Variants in PREX1 observed in about 807,000 individuals in gnomAD.
PREX1 encodes phosphatidylinositol-3,4,5-trisphosphate dependent Rac exchange factor 1.
A neutral mutation model predicts 198.3 loss-of-function variants in PREX1; 41 were observed. The ratio of observed to expected loss-of-function variants is 0.21; its 90% CI spans 0.16 to 0.27. The LOEUF is 0.27. Ranked by LOEUF, PREX1 falls within the 10% of genes least tolerant of loss-of-function variation. The pLI is 1.00. For synonymous variants in PREX1, 843 were observed against 887.2 expected (o/e 0.95, Z 0.89); for missense variants, 1,620 against 2,200.7 (o/e 0.74, Z 5.28).
intron 7 of PREX1, among the ~76,000 whole-genome samples, chr20:48,694,844 G>A (rs2089837310): frequency 6.6e-6 from 1 of 152,206 alleles, no homozygotes; most frequent in African/African-American, 2.4e-5. Flanking sequence ...GAATGGGATG[G>A]ACTTCAGTTT....
At chr20:48,638,692 AG>A (rs1275477709) in intron 30 of PREX1, among the ~76,000 whole-genome samples, 1 of 151,682 alleles carries the variant, frequency 6.6e-6, no homozygotes, top group Non-Finnish European at 1.5e-5. Flanking sequence ...TCACCACACC[AG>A]GAAGCCAGGC....
Position 48,747,745 on chromosome 20 carries a change from G to T in PREX1, c.291+64C>A. On this transcript the variant is annotated intron_variant, in intron 2 of 39. Coordinates refer to ENST00000371941, the MANE Select transcript of PREX1 (RefSeq NM_020820.4). ...CATGCACACCCTCTGAGCATCGCAC[G>T]GGAAGAGCAAGGCACAAAGCAACAC... The T allele has an allele frequency of 2.6e-6, 4 of 1,510,814 alleles. No individual in the cohort carries two copies. The South Asian group carries it at 4.7e-5, about 18-fold the overall frequency. 93.6% of individuals were successfully genotyped at this position (1,510,814 alleles called of 1,614,324 possible). A position where few individuals can be genotyped will look rare whatever the true frequency, so the allele number is the denominator to read the frequency against.
the PREX1 span, among the ~76,000 whole-genome samples, chr20:48,867,966 C>T: frequency 6.6e-6 from 1 of 151,852 alleles, no homozygotes; most frequent in Non-Finnish European, 1.5e-5. Context: ...ACCTTGGCCT[C>T]CCAAAGTGCT....
chr20:48,877,051 C>A, the PREX1 span, among the ~76,000 whole-genome samples: 9 of 152,112 alleles, frequency 5.9e-5, no homozygotes, highest in South Asian at 2.1e-4. Context: ...GGGTGGATCA[C>A]CTGAGGTCAG....
upstream of PREX1, among the ~76,000 whole-genome samples, chr20:48,832,803 G>A (rs1007027497): frequency 7.2e-5 from 11 of 152,210 alleles, no homozygotes; most frequent in African/African-American, 2.7e-4. Context: ...TCTGATTTAA[G>A]CATAATAGGT....
At chr20:48,792,853 C>CACACACACAT (rs1256864071) in intron 1 of PREX1, among the ~76,000 whole-genome samples, 1,710 of 145,310 alleles carry the variant, frequency 0.012, 44 homozygotes, top group African/African-American at 0.036. Flanking sequence ...CACACACACA[C>CACACACACAT]ATAGTATGAT....
intron 1 of PREX1, among the ~76,000 whole-genome samples, chr20:48,758,244 A>G (rs1235073712): frequency 6.6e-6 from 1 of 152,216 alleles, no homozygotes; most frequent in Non-Finnish European, 1.5e-5. Flanking sequence ...TGAGGAGGCC[A>G]GGGAGTCTGT....
At chr20:48,788,980 C>T (rs1415423247) in intron 1 of PREX1, among the ~76,000 whole-genome samples, 1 of 152,156 alleles carries the variant, frequency 6.6e-6, no homozygotes, top group Non-Finnish European at 1.5e-5. Flanking sequence ...GCCCCTCCAC[C>T]TGGGACTTCT....
At position 48,827,761 on chromosome 20, in the gene PREX1, G is replaced by A; in HGVS notation, c.100C>T (p.Pro34Ser). Residue 34 changes from proline to serine, a missense_variant, in exon 1 of 40, where the codon CCC becomes TCC. Physicochemically the swap from Pro to Ser is moderately conservative, Grantham distance 74 (BLOSUM62 -1). This residue lies in a region of PREX1 where 96 missense variants were observed against 98.7 expected (regional missense o/e 0.97). Coordinates refer to ENST00000371941, the MANE Select transcript of PREX1 (RefSeq NM_020820.4). The surrounding 1 kb of genome is among the most constrained non-coding windows in gnomAD (Gnocchi z 4.1). ...TCCCGGGCGGCCGCGCACGGGCCGGGGCCGGAGCTGGGCGCCGCGGCGCCA... is the reference window on the plus strand; with the variant it reads ...TCCCGGGCGGCCGCGCACGGGCCGGAGCCGGAGCTGGGCGCCGCGGCGCCA... ...APGAAAPSSG[P>S]GPCAAARESE... 8.3e-7 allele frequency: 1 copy of A among 1,199,514 alleles called. No homozygotes were observed. Among genetic ancestry groups the A allele is most frequent in the South Asian group, 3.9e-5 (1 of 25,836 alleles). 74.3% of individuals were successfully genotyped at this position (1,199,514 alleles called of 1,614,324 possible).
At chr20:48,796,039 G>A (rs896068113) in intron 1 of PREX1, among the ~76,000 whole-genome samples, 10 of 152,182 alleles carry the variant, frequency 6.6e-5, no homozygotes, top group Admixed American at 5.9e-4. Flanking sequence ...AACTGGGGCT[G>A]GAGGCAACCA....
At chr20:48,870,370 G>A in the PREX1 span, among the ~76,000 whole-genome samples, 141 of 152,322 alleles carry the variant, frequency 9.3e-4, no homozygotes, top group African/African-American at 3.3e-3. Context: ...AGCCCAGAAT[G>A]TTGAGTGACT....
At position 48,691,127 on chromosome 20, in the gene PREX1, G is replaced by T; in HGVS notation, c.1037-31C>A. On this transcript the variant is annotated intron_variant, in intron 8 of 39. Coordinates refer to ENST00000371941, the MANE Select transcript of PREX1 (RefSeq NM_020820.4). This position sits in a 1 kb window ranked among gnomAD's most constrained non-coding sequence, Gnocchi z 5.0. Reference sequence around the variant, plus strand: ...GGGGGCAGGAGGCAAAGGTGCAGCAGAGACTCAGCCGCGTGACCTTCAACA... The same window carrying T: ...GGGGGCAGGAGGCAAAGGTGCAGCATAGACTCAGCCGCGTGACCTTCAACA... The T allele has an allele frequency of 6.2e-7, 1 of 1,614,002 alleles. No individual in the cohort carries two copies. The highest frequency in any genetic ancestry group is 8.5e-7 in the Non-Finnish European group (1 of 1,179,902).
At chr20:48,752,274 A>G (rs756526657) in intron 1 of PREX1, among the ~76,000 whole-genome samples, 3 of 152,236 alleles carry the variant, frequency 2.0e-5, no homozygotes, top group Non-Finnish European at 4.4e-5. Flanking sequence ...CCACTTACCA[A>G]GCTGTGTGCA....
At chr20:48,861,402 A>T in the PREX1 span, among the ~76,000 whole-genome samples, 11 of 152,214 alleles carry the variant, frequency 7.2e-5, no homozygotes, top group African/African-American at 2.7e-4. Context: ...AAGCTGAGAG[A>T]TATCCCATTA....
chr20:48,867,368 T>C, the PREX1 span, among the ~76,000 whole-genome samples: 3 of 152,172 alleles, frequency 2.0e-5, no homozygotes, highest in East Asian at 5.8e-4. Flanking sequence ...GGAGAGACCT[T>C]GAAAGCACCT....
intron 13 of PREX1, 40 bp downstream of exon 13, chr20:48,679,320 G>C (rs768464175): frequency 1.9e-6 from 3 of 1,572,326 alleles, no homozygotes; most frequent in Admixed American, 3.4e-5. Flanking sequence ...CAGCTGAGAA[G>C]AGGTAGAGGT....
the PREX1 span, among the ~76,000 whole-genome samples, chr20:48,883,916 A>G: frequency 5.3e-5 from 8 of 152,188 alleles, no homozygotes; most frequent in South Asian, 6.2e-4. Flanking sequence ...TGAGGTGGGC[A>G]GATCACGAGG....
In PREX1 at chr20:48,691,485, C is replaced by A. The variant is rs1423810766; in HGVS notation, c.1037-389G>T. ...TGACAAGCCAAGTCAAACGTGGGAC[C>A]CTTACCCAGTGCTGGCTGGGATGGG... On this transcript the variant is annotated intron_variant, in intron 8 of 39. Coordinates refer to ENST00000371941, the MANE Select transcript of PREX1 (RefSeq NM_020820.4). The surrounding 1 kb of genome is among the most constrained non-coding windows in gnomAD (Gnocchi z 5.0). Among the ~76,000 whole-genome samples, 1 of 152,152 alleles carries A rather than the reference C, an allele frequency of 6.6e-6. No individual in the cohort carries two copies. Among genetic ancestry groups the A allele is most frequent in the African/African-American group, 2.4e-5 (1 of 41,426 alleles).
rs1489571864 is a variant in PREX1, at chr20:48,657,074, G to A, written c.2089C>T (p.Pro697Ser). The A allele has an allele frequency of 6.2e-7, 1 of 1,605,742 alleles. No individual in the cohort carries two copies. The highest frequency in any genetic ancestry group is 8.5e-7 in the Non-Finnish European group (1 of 1,175,650). ...TTCGTGGCCACCAGGAGGCGCAGAG[G>A]GCGGCGGGAGCAGAAGGACTGGTTG... ...ILNQSFCSRRPLRLLVATKAK... is the reference protein window; with the variant it reads ...ILNQSFCSRRSLRLLVATKAK... The change falls in exon 18 of 40, where the codon CCT becomes TCT. Residue 697 changes from proline (P) to serine (S), a missense_variant. This residue lies in a region of PREX1 where 514 missense variants were observed against 611.6 expected (regional missense o/e 0.84). Coordinates refer to ENST00000371941, the MANE Select transcript of PREX1 (RefSeq NM_020820.4).
Sources: allele counts gnomAD v4.1 joint callset (sites outside exome capture counted in the v4.1 genomes callset), GRCh38; gene constraint gnomAD v4.1.1; regional missense constraint gnomAD v4.1.1; non-coding constraint Gnocchi (gnomAD v3.1); transcripts MANE v1.5; gene names NCBI Gene and HGNC (gene_info 2026-07-23, HGNC 2026-07-21).